TULP4: variants seen among roughly 807,000 people sequenced by gnomAD.
The protein encoded by TULP4 is TUB like protein 4.
Under a neutral mutation model 129.0 loss-of-function variants are expected in TULP4, and 16 were observed. That is an observed-to-expected ratio of 0.12 (90% CI 0.08 to 0.19). The LOEUF (loss-of-function observed/expected upper bound fraction) is 0.19. TULP4 is among the 10% of genes least tolerant of loss of function. The pLI, the probability that TULP4 is intolerant of heterozygous loss-of-function variation, is 1.00. For missense variants in TULP4, 1,842 were observed against 2,059.1 expected, an observed-to-expected ratio of 0.89 and a Z score of 2.04; for synonymous variants, 998 against 854.0, an observed-to-expected ratio of 1.17 and a Z score of -2.94.
chr6:158,452,429 CT>C (rs1157211041), intron 5 of TULP4, among the ~76,000 whole-genome samples, 161 bp downstream of exon 5: 1 of 152,228 alleles, frequency 6.6e-6, no homozygotes, highest in African/African-American at 2.4e-5. Context: ...CTCTTCACTC[CT>C]TTGCTTATCT....
intron 3 of TULP4, among the ~76,000 whole-genome samples, chr6:158,441,446 A>G (rs1404542699): frequency 1.9e-4 from 29 of 152,176 alleles, no homozygotes; most frequent in Admixed American, 1.8e-3. Context: ...CTTTATCAAT[A>G]CCACAGCATG....
At chr6:158,236,923 G>C (rs1432036181) in intron 1 of TULP4, among the ~76,000 whole-genome samples, 1 of 143,536 alleles carries the variant, frequency 7.0e-6, no homozygotes, top group Non-Finnish European at 1.5e-5. Flanking sequence ...AAGCGATTCT[G>C]CCTCAGCCAC....
chr6:158,387,752 GT>G (rs1233953297), intron 1 of TULP4, among the ~76,000 whole-genome samples: 1 of 152,134 alleles, frequency 6.6e-6, no homozygotes, highest in Non-Finnish European at 1.5e-5. Flanking sequence ...GCTGTGTCAA[GT>G]TTTTGTGTAC....
Position 158,502,678 on chromosome 6 carries a change from G to A in TULP4, c.3015G>A (p.Pro1005=), listed in dbSNP as rs772933187. 153 of 1,558,792 alleles carry A rather than the reference G, an allele frequency of 9.8e-5. 2 individuals carry two copies. The highest frequency in any genetic ancestry group is 9.5e-4 in the South Asian group (80 of 84,158). ...TLKMAQLADS[P]RAPLQPLAKS... ...AGATGGCCCAGCTGGCCGACAGCCC[G>A]CGGGCCCCCCTGCAGCCCCTGGCCA... The change falls in exon 13 of 14, where the codon CCG becomes CCA. Residue 1005 remains proline, a synonymous_variant. Coordinates refer to ENST00000367097, the MANE Select transcript of TULP4 (RefSeq NM_020245.5).
chr6:158,242,427 C>T (rs965077479), intron 1 of TULP4: 6 of 1,121,882 alleles, frequency 5.3e-6, no homozygotes, highest in African/African-American at 4.6e-5. Context: ...GACGAGATCT[C>T]TTTATGCCAC....
chr6:158,242,298 T>C, intron 1 of TULP4: 2 of 1,561,612 alleles, frequency 1.3e-6, no homozygotes, highest in Non-Finnish European at 1.8e-6. Flanking sequence ...GCACAGCTCA[T>C]GTGTGCCTTC....
chr6:158,414,071 A>G (rs1050523863), intron 2 of TULP4, among the ~76,000 whole-genome samples: 2 of 152,284 alleles, frequency 1.3e-5, no homozygotes, highest in Non-Finnish European at 2.9e-5. Flanking sequence ...GTCAAGTGAC[A>G]TAAAATTACA....
At chr6:158,414,635 G>A (rs1197821720) in intron 2 of TULP4, among the ~76,000 whole-genome samples, 3 of 152,164 alleles carry the variant, frequency 2.0e-5, no homozygotes, top group Non-Finnish European at 2.9e-5. Context: ...CCGCCTCTCC[G>A]AGTTGGCCTG....
chr6:158,280,175 A>G (rs1399575901), upstream of TULP4, among the ~76,000 whole-genome samples: 3 of 152,230 alleles, frequency 2.0e-5, no homozygotes, highest in Non-Finnish European at 4.4e-5. Flanking sequence ...GTAGTATAGC[A>G]TTAATCTTAC....
intron 1 of TULP4, among the ~76,000 whole-genome samples, chr6:158,246,593 T>C (rs1470585144): frequency 3.9e-5 from 6 of 152,230 alleles, no homozygotes; most frequent in Non-Finnish European, 8.8e-5. Flanking sequence ...TCTTTTCCTT[T>C]TAACCATCTC....
chr6:158,306,692 T>C (rs1779221287), intron 1 of TULP4, among the ~76,000 whole-genome samples: 1 of 152,260 alleles, frequency 6.6e-6, no homozygotes, highest in Non-Finnish European at 1.5e-5. Context: ...AACTTTTGTT[T>C]TTGTGGTTAT....
intron 1 of TULP4, among the ~76,000 whole-genome samples, chr6:158,315,502 A>G (rs1254724532): frequency 6.6e-6 from 1 of 152,186 alleles, no homozygotes; most frequent in African/African-American, 2.4e-5. Flanking sequence ...AAGGTGCACT[A>G]AACTTAACTC....
upstream of TULP4, among the ~76,000 whole-genome samples, chr6:158,309,805 G>C (rs1779306040): frequency 6.6e-6 from 1 of 151,868 alleles, no homozygotes; most frequent in Non-Finnish European, 1.5e-5. Context: ...AGGAGAATCA[G>C]GCAGGGAGGT....
At chr6:158,279,199 C>T (rs1023762050), upstream of TULP4, among the ~76,000 whole-genome samples, 21 of 152,094 alleles carry the variant, frequency 1.4e-4, no homozygotes, top group African/African-American at 4.8e-4. Flanking sequence ...GCCTCGGCCT[C>T]CCTAAGTGCT....
chr6:158,415,686 A>T (rs2115016995), intron 2 of TULP4, among the ~76,000 whole-genome samples: 1 of 152,062 alleles, frequency 6.6e-6, no homozygotes, highest in Non-Finnish European at 1.5e-5. Context: ...AAAAAAAAAA[A>T]AAGTTAGCAG....
Position 158,479,751 on chromosome 6 carries a change from C to T in TULP4, c.1027C>T (p.Arg343Cys), listed in dbSNP as rs372249713. The T allele has an allele frequency of 5.6e-6, 9 of 1,612,202 alleles. No individual in the cohort carries two copies. Among genetic ancestry groups the T allele is most frequent in the South Asian group, 2.2e-5 (2 of 91,016 alleles). ...HIFTLDTLVQ[R>C]PIISICWGHR... ...TTGTCTTCCCTTCACTTCCTGCCAG[C>T]GCCCCATCATCTCCATCTGCTGGGG... Residue 343 changes from arginine to cysteine, a missense_variant and splice_region_variant, in exon 7 of 14, where the codon CGC becomes TGC. By Grantham distance (180) the Arg-to-Cys change is radical. Transcript: ENST00000367097.
intron 1 of TULP4, among the ~76,000 whole-genome samples, chr6:158,236,667 T>A (rs949145529): frequency 6.6e-6 from 1 of 152,208 alleles, no homozygotes; most frequent in African/African-American, 2.4e-5. Context: ...GCTGAAATAG[T>A]AGAAGTAGTT....
intron 1 of TULP4, among the ~76,000 whole-genome samples, chr6:158,266,331 A>G (rs1012294772): frequency 6.6e-6 from 1 of 152,220 alleles, no homozygotes; most frequent in African/African-American, 2.4e-5. Context: ...GTCACGACTC[A>G]CTGCAGCCTT....
chr6:158,401,144 G>A (rs941413265), intron 1 of TULP4, among the ~76,000 whole-genome samples: 1 of 151,970 alleles, frequency 6.6e-6, no homozygotes, highest in Admixed American at 6.6e-5. Flanking sequence ...CATGATCACG[G>A]CTCACTGCAG....
Sources: allele counts gnomAD v4.1 joint callset (sites outside exome capture counted in the v4.1 genomes callset), GRCh38; gene constraint gnomAD v4.1.1; transcripts MANE v1.5; gene names NCBI Gene and HGNC (gene_info 2026-07-23, HGNC 2026-07-21).